Variants in FGD3 observed in about 807,000 individuals in gnomAD.
FGD3 encodes FYVE, RhoGEF and PH domain containing 3, also known as FYVE, RhoGEF and PH domain-containing protein 3.
In FGD3, 45 loss-of-function variants were observed where a neutral mutation model predicts 71.8. That is an observed-to-expected ratio of 0.63 (90% CI 0.49 to 0.80). The LOEUF (loss-of-function observed/expected upper bound fraction) is 0.80, where lower values mean the gene tolerates loss of function less well. FGD3 is among the 30% of genes least tolerant of loss of function. The probability of loss-of-function intolerance (pLI) is 0.00; values close to 1 mark genes in which losing one functional copy is unlikely to be tolerated. For synonymous variants in FGD3, 378 were observed against 392.8 expected (o/e 0.96, Z 0.44); for missense variants, 844 against 951.5 (o/e 0.89, Z 1.49).
intron 16 of FGD3, chr9:93,034,209 C>T (rs547769524): frequency 7.3e-5 from 19 of 259,006 alleles, no homozygotes; most frequent in African/African-American, 2.2e-4. Context: ...AGAACTGACA[C>T]GCTTGAAGTC....
intron 1 of FGD3, 46 bp downstream of exon 1, chr9:92,947,775 G>A (rs1858882942): frequency 6.6e-6 from 1 of 152,514 alleles, no homozygotes; most frequent in Non-Finnish European, 1.5e-5. Flanking sequence ...GCTTGTTTCA[G>A]GTGGCTTTGA....
At chr9:93,020,660 C>T in intron 13 of FGD3, 1 of 487,952 alleles carries the variant, frequency 2.0e-6, no homozygotes, top group South Asian at 2.1e-5. Flanking sequence ...CCCCCTACAA[C>T]CCCTGAGACC....
At chr9:93,034,400 C>T in intron 16 of FGD3, 141 bp from the exon 17 acceptor site, 1 of 1,150,870 alleles carries the variant, frequency 8.7e-7, no homozygotes, top group Non-Finnish European at 1.2e-6. Context: ...TGAGGCTGGT[C>T]CCAGTCTCTG....
rs770410348 is a variant in FGD3, at chr9:93,010,333, G to T, written c.925G>T (p.Asp309Tyr). 7 of 1,613,676 alleles carry T rather than the reference G, an allele frequency of 4.3e-6. No individual in the cohort carries two copies. The highest frequency in any genetic ancestry group is 1.3e-5 in the African/African-American group (1 of 74,942). ...CCCCCGGTACGAGCTGCTGCTCAAGGACTATCTGAAGAGGCTCCCGCAGGA... is the reference window on the plus strand; with the variant it reads ...CCCCCGGTACGAGCTGCTGCTCAAGTACTATCTGAAGAGGCTCCCGCAGGA... ...RVPRYELLLK[D>Y]YLKRLPQDAP... Residue 309 changes from aspartate to tyrosine, a missense_variant, in exon 7 of 18, where the codon GAC becomes TAC. Coordinates refer to ENST00000375482, the MANE Select transcript of FGD3 (RefSeq NM_001083536.2).
intron 6 of FGD3, among the ~76,000 whole-genome samples, chr9:93,009,645 T>C (rs745374971): frequency 9.9e-5 from 15 of 152,056 alleles, no homozygotes; most frequent in Non-Finnish European, 2.2e-4. Context: ...AGATGCCAGA[T>C]GGAGACATGG....
At chr9:93,016,008 G>A (rs1861668506) in intron 10 of FGD3, among the ~76,000 whole-genome samples, 179 bp downstream of exon 10, 1 of 152,216 alleles carries the variant, frequency 6.6e-6, no homozygotes, top group Non-Finnish European at 1.5e-5. Flanking sequence ...GGTGCCCCAG[G>A]CTGGAAGGGC....
In FGD3 at chr9:93,035,471, C is replaced by T; in HGVS notation, c.2060C>T (p.Ser687Phe). The T allele has an allele frequency of 6.2e-7, 1 of 1,613,580 alleles. No homozygotes were observed. Among genetic ancestry groups the T allele is most frequent in the Non-Finnish European group, 8.5e-7 (1 of 1,179,962 alleles). ...AKQSWYLSASSAELQQQWLET... is the reference protein window; with the variant it reads ...AKQSWYLSASFAELQQQWLET... ...CAGTCCTGGTACCTGAGCGCCTCCTCCGCAGAGCTGCAGCAGCAGTGGCTG... is the reference window on the plus strand; with the variant it reads ...CAGTCCTGGTACCTGAGCGCCTCCTTCGCAGAGCTGCAGCAGCAGTGGCTG... The change falls in exon 18 of 18, where the codon TCC becomes TTC. Residue 687 changes from serine (S) to phenylalanine (F), a missense_variant. Coordinates refer to ENST00000375482, the MANE Select transcript of FGD3 (RefSeq NM_001083536.2).
intron 2 of FGD3, 54 bp downstream of exon 2, chr9:92,975,459 T>C (rs1859703216): frequency 6.6e-6 from 1 of 152,168 alleles, no homozygotes; most frequent in South Asian, 2.1e-4. Context: ...GGCAGCTGCG[T>C]CTTCGGTTCA....
chr9:93,026,951 T>C (rs1377275950), intron 14 of FGD3, among the ~76,000 whole-genome samples: 1 of 152,204 alleles, frequency 6.6e-6, no homozygotes, highest in African/African-American at 2.4e-5. Flanking sequence ...TCCCAGCCTC[T>C]CTGGGTGCCC....
rs778034026 is a variant in FGD3 at position 93,022,435 on chromosome 9, AG to A, written c.1557+51del. 3.1e-6 allele frequency: 5 copies of A among 1,596,356 alleles called. No individual in the cohort carries two copies. In the East Asian group the frequency reaches 6.7e-5, roughly 21 times the overall value. ...GGTCAGCAGGGGTGAAAGGCAGAGCAGGGGGTCAGACCAGGATGACCTATAG... is the reference window on the plus strand; with the variant it reads ...GGTCAGCAGGGGTGAAAGGCAGAGCAGGGGTCAGACCAGGATGACCTATAG... On this transcript the variant is annotated intron_variant, in intron 14 of 17. Coordinates refer to ENST00000375482, the MANE Select transcript of FGD3 (RefSeq NM_001083536.2).
At chr9:92,980,704 G>A (rs184642877) in intron 3 of FGD3, among the ~76,000 whole-genome samples, 1 of 152,114 alleles carries the variant, frequency 6.6e-6, no homozygotes, top group Admixed American at 6.5e-5. Flanking sequence ...AGGTGCGGTG[G>A]CTCACTCCTG....
At chr9:92,986,503 A>T (rs1270215764) in intron 3 of FGD3, among the ~76,000 whole-genome samples, 1 of 152,254 alleles carries the variant, frequency 6.6e-6, no homozygotes, top group Non-Finnish European at 1.5e-5. Context: ...TTATATGCTT[A>T]CAAAAATAGC....
intron 14 of FGD3, 28 bp from the exon 15 acceptor site, chr9:93,029,846 C>G: frequency 6.2e-7 from 1 of 1,606,446 alleles, no homozygotes; most frequent in Non-Finnish European, 8.5e-7. Flanking sequence ...GATTCAGAAG[C>G]TGATGGCATC....
chr9:93,027,525 T>G (rs1425458022), intron 14 of FGD3, among the ~76,000 whole-genome samples: 1 of 152,090 alleles, frequency 6.6e-6, no homozygotes. Context: ...CATTTTAACT[T>G]AATGTCTCTT....
chr9:92,985,962 C>G (rs773461562), intron 3 of FGD3, among the ~76,000 whole-genome samples: 12 of 152,120 alleles, frequency 7.9e-5, no homozygotes, highest in African/African-American at 2.9e-4. Context: ...AGGGCATCCC[C>G]CATTCATCCT....
In FGD3 at chr9:92,976,623, C is replaced by G. The variant is rs1238695510; in HGVS notation, c.367C>G (p.Gln123Glu). The change falls in exon 3 of 18, where the codon CAG (glutamine) becomes GAG (glutamate). Residue 123 changes from glutamine (Q) to glutamate (E), a missense_variant. Coordinates refer to ENST00000375482, the MANE Select transcript of FGD3 (RefSeq NM_001083536.2). ...LDSQVPKVTPQEEADSDVGEE... is the reference protein window; with the variant it reads ...LDSQVPKVTPEEEADSDVGEE... Reference sequence around the variant, plus strand: ...CAGCCAGGTCCCGAAGGTCACCCCCCAGGAGGAGGCGGACAGCGACGTGGG... The same window carrying G: ...CAGCCAGGTCCCGAAGGTCACCCCCGAGGAGGAGGCGGACAGCGACGTGGG... The G allele has an allele frequency of 6.2e-7, 1 of 1,612,744 alleles. No individual in the cohort carries two copies. The highest frequency in any genetic ancestry group is 8.5e-7 in the Non-Finnish European group (1 of 1,179,904).
chr9:93,027,682 C>A (rs1312565380), intron 14 of FGD3, among the ~76,000 whole-genome samples: 1 of 151,786 alleles, frequency 6.6e-6, no homozygotes, highest in Non-Finnish European at 1.5e-5. Context: ...CTTCTTCACC[C>A]CCAACCAGTT....
chr9:92,983,988 A>T (rs1172523032), intron 3 of FGD3, among the ~76,000 whole-genome samples: 1 of 152,204 alleles, frequency 6.6e-6, no homozygotes, highest in Non-Finnish European at 1.5e-5. Flanking sequence ...AGCAACTTTT[A>T]CTTTTGGTGA....
intron 16 of FGD3, chr9:93,033,959 C>CCT (rs1862480352): frequency 1.3e-5 from 2 of 152,360 alleles, no homozygotes; most frequent in African/African-American, 2.4e-5. Context: ...AATTTAAATA[C>CCT]CGAGGTGTGT....
Sources: gnomAD v4.1 joint callset for allele counts (sites outside exome capture counted in the v4.1 genomes callset) on GRCh38, gnomAD v4.1.1 for gene constraint, MANE v1.5 for transcripts, NCBI Gene and HGNC (gene_info 2026-07-23, HGNC 2026-07-21) for gene names.